CA10: variants seen among roughly 807,000 people sequenced by gnomAD.
CA10 encodes carbonic anhydrase-related protein 10.
In CA10, 14 loss-of-function variants were observed where a neutral mutation model predicts 44.2. That is an observed-to-expected ratio of 0.32 (90% CI 0.21 to 0.50). The LOEUF (loss-of-function observed/expected upper bound fraction) is 0.50. Ranked by LOEUF, CA10 falls within the 20% of genes least tolerant of loss-of-function variation. The pLI, the probability that CA10 is intolerant of heterozygous loss-of-function variation, is 0.99. For missense variants in CA10, 350 were observed against 409.7 expected (o/e 0.85, Z 1.26); for synonymous variants, 159 against 141.6 (o/e 1.12, Z -0.87).
At chr17:51,927,545 T>C (rs904475578) in intron 3 of CA10, among the ~76,000 whole-genome samples, 1 of 152,182 alleles carries the variant, frequency 6.6e-6, no homozygotes, top group African/African-American at 2.4e-5. Flanking sequence ...AAGTTATCCA[T>C]ATTTTACTCT....
At chr17:51,751,573 T>C (rs551810411) in intron 3 of CA10, among the ~76,000 whole-genome samples, 2 of 152,348 alleles carry the variant, frequency 1.3e-5, no homozygotes, top group Non-Finnish European at 2.9e-5. Flanking sequence ...CTAGGTGATA[T>C]TGAAGGATTC....
At chr17:51,948,624 G>A (rs183005462) in intron 2 of CA10, among the ~76,000 whole-genome samples, 108 of 152,222 alleles carry the variant, frequency 7.1e-4, no homozygotes, top group East Asian at 6.8e-3. Context: ...TTATTCTGCC[G>A]TCCCTGAAGT....
At chr17:51,742,385 T>C (rs1904501471) in intron 4 of CA10, among the ~76,000 whole-genome samples, 1 of 152,206 alleles carries the variant, frequency 6.6e-6, no homozygotes, top group Non-Finnish European at 1.5e-5. Context: ...GCCTGAGCAC[T>C]CCTCACAAGC....
intron 3 of CA10, among the ~76,000 whole-genome samples, chr17:51,910,877 T>C (rs1981763682): frequency 6.6e-6 from 1 of 152,288 alleles, no homozygotes; most frequent in Non-Finnish European, 1.5e-5. Context: ...AATGTGTTTG[T>C]CATTGCAGGG....
At chr17:52,135,709 T>A (rs567102903) in intron 1 of CA10, among the ~76,000 whole-genome samples, 1 of 152,296 alleles carries the variant, frequency 6.6e-6, no homozygotes. Context: ...TTTTCCCAAA[T>A]TTATGAATCT....
intron 4 of CA10, among the ~76,000 whole-genome samples, chr17:51,676,505 G>A (rs1914629851): frequency 6.6e-6 from 1 of 152,122 alleles, no homozygotes; most frequent in African/African-American, 2.4e-5. Flanking sequence ...CATTTCTGGG[G>A]GTGAGGCCCA....
At chr17:51,776,134 C>A (rs115115449) in intron 3 of CA10, among the ~76,000 whole-genome samples, 3,402 of 152,182 alleles carry the variant, frequency 0.022, 128 homozygotes, top group African/African-American at 0.078. Context: ...CTGAGGCAGG[C>A]AGATCACCTG....
At chr17:52,143,534 A>T (rs1034515361) in intron 1 of CA10, among the ~76,000 whole-genome samples, 2 of 152,188 alleles carry the variant, frequency 1.3e-5, no homozygotes, top group Non-Finnish European at 2.9e-5. Context: ...GAGGTTATAA[A>T]ATAATCCAGT....
At chr17:51,717,282 G>A (rs1213153368) in intron 4 of CA10, among the ~76,000 whole-genome samples, 1 of 151,942 alleles carries the variant, frequency 6.6e-6, no homozygotes, top group Non-Finnish European at 1.5e-5. Flanking sequence ...GGTGATAGGA[G>A]CATCTTTTGT....
At chr17:52,054,306 CT>C (rs1235310091) in intron 2 of CA10, among the ~76,000 whole-genome samples, 2 of 152,134 alleles carry the variant, frequency 1.3e-5, no homozygotes, top group African/African-American at 4.8e-5. Flanking sequence ...AAGCCCCAGT[CT>C]CCTGTAGCAC....
intron 2 of CA10, among the ~76,000 whole-genome samples, chr17:51,956,598 C>A (rs1225664402): frequency 6.6e-6 from 1 of 152,162 alleles, no homozygotes; most frequent in Non-Finnish European, 1.5e-5. Context: ...CATTGCAGCA[C>A]TGCTTGTATT....
intron 3 of CA10, among the ~76,000 whole-genome samples, chr17:51,753,631 C>A (rs775943844): frequency 1.1e-4 from 17 of 152,098 alleles, no homozygotes; most frequent in Non-Finnish European, 1.6e-4. Flanking sequence ...CCTCACCAAA[C>A]CCAGCACCAT....
At chr17:51,934,683 T>C (rs886566697) in intron 2 of CA10, among the ~76,000 whole-genome samples, 1 of 152,108 alleles carries the variant, frequency 6.6e-6, no homozygotes, top group Non-Finnish European at 1.5e-5. Context: ...TGCAGGCCTC[T>C]GAGGAGACCT....
At chr17:52,023,885 T>C (rs1210389609) in intron 2 of CA10, among the ~76,000 whole-genome samples, 1 of 152,182 alleles carries the variant, frequency 6.6e-6, no homozygotes, top group East Asian at 1.9e-4. Context: ...TTTTTTCTTC[T>C]GTCTATATTT....
intron 1 of CA10, among the ~76,000 whole-genome samples, chr17:52,149,861 G>A (rs555435838): frequency 2.0e-5 from 3 of 152,284 alleles, no homozygotes; most frequent in South Asian, 2.1e-4. Context: ...AAGAGCCAAA[G>A]CTTTAATACT....
intron 2 of CA10, among the ~76,000 whole-genome samples, chr17:52,023,604 T>C (rs576321005): frequency 1.3e-5 from 2 of 151,544 alleles, no homozygotes; most frequent in East Asian, 3.9e-4. Context: ...CAAAAAAACC[T>C]CCAACATTTA....
chr17:51,779,734 C>T (rs1039054849), intron 3 of CA10, among the ~76,000 whole-genome samples: 3 of 152,182 alleles, frequency 2.0e-5, no homozygotes, highest in African/African-American at 7.2e-5. Flanking sequence ...GCTTCCTTGG[C>T]CCCAATCTAG....
intron 3 of CA10, among the ~76,000 whole-genome samples, chr17:51,925,766 T>C (rs1405854535): frequency 2.0e-5 from 3 of 152,192 alleles, no homozygotes; most frequent in Non-Finnish European, 2.9e-5. Context: ...TAAAAATGAA[T>C]TAAATTTTGA....
intron 2 of CA10, among the ~76,000 whole-genome samples, chr17:52,025,266 G>C (rs929055974): frequency 1.3e-5 from 2 of 152,068 alleles, no homozygotes; most frequent in Admixed American, 6.6e-5. Flanking sequence ...GCCCTAAACA[G>C]GGTCTCTGTG....
Sources: allele counts gnomAD v4.1 joint callset (sites outside exome capture counted in the v4.1 genomes callset), GRCh38; gene constraint gnomAD v4.1.1; transcripts MANE v1.5; gene names NCBI Gene and HGNC (gene_info 2026-07-23, HGNC 2026-07-21).